The following ERC1 variants were observed in gnomAD, a reference collection of about 807,000 sequenced individuals.
The protein encoded by ERC1 is RAB6 interacting protein 2.
ERC1 carries 56 observed loss-of-function variants against 132.0 expected under a neutral mutation model. The observed-to-expected ratio is 0.42, with a 90% CI of 0.34 to 0.53. The LOEUF is 0.53. Among genes scored for constraint, ERC1 ranks in the 20% least tolerant of loss-of-function variants. The pLI is 0.03. For synonymous variants in ERC1, 478 were observed against 476.1 expected, an observed-to-expected ratio of 1.00 and a Z score of -0.05; for missense variants, 1,202 against 1,349.9, an observed-to-expected ratio of 0.89 and a Z score of 1.72.
chr12:1,011,731 C>G (rs915295784), intron 1 of ERC1, among the ~76,000 whole-genome samples: 3 of 152,166 alleles, frequency 2.0e-5, no homozygotes, highest in African/African-American at 7.2e-5. Flanking sequence ...GTCAGTAGTT[C>G]AAGACCAGCC....
Position 1,196,905 on chromosome 12 carries a change from TACACACACACACACACACAC to T in ERC1, c.2351+6891_2351+6910del, listed in dbSNP as rs766381798. Among the ~76,000 whole-genome samples the T allele has an allele frequency of 6.6e-3, 382 of 57,706 alleles. 6 individuals carry two copies. The highest frequency in any genetic ancestry group is 0.017 in the South Asian group (21 of 1,248). 37.9% of individuals were successfully genotyped at this position (57,706 alleles called of 152,430 possible). A position where few individuals can be genotyped will look rare whatever the true frequency, so the allele number is the denominator to read the frequency against. The stretch of plus-strand genomic sequence containing the variant: ...GTCTGTCTGTCTCTCTCTGTCTCTC[TACACACACACACACACACAC>T]ACACACACACACACACACACACACA... On this transcript the variant is annotated intron_variant, in intron 12 of 18. Coordinates refer to ENST00000360905, the MANE Select transcript of ERC1 (RefSeq NM_178040.4).
chr12:1,002,160 C>CTTTTTTTTTTT (rs71055117), intron 1 of ERC1, among the ~76,000 whole-genome samples: 2 of 38,482 alleles, frequency 5.2e-5, no homozygotes, highest in African/African-American at 1.1e-4. Flanking sequence ...CCATGCCCGG[C>CTTTTTTTTTTT]TTTTTTTTTT....
At chr12:1,444,848 G>GT in intron 18 of ERC1, 98 bp downstream of exon 18, 1 of 1,104,844 alleles carries the variant, frequency 9.1e-7, no homozygotes. Context: ...CAGTTGCCGT[G>GT]TAGTTGATGC....
intron 17 of ERC1, chr12:1,443,708 A>G (rs996863926): frequency 2.0e-5 from 3 of 152,290 alleles, no homozygotes; most frequent in Non-Finnish European, 4.4e-5. Flanking sequence ...CCAGCTACCA[A>G]ATACCTGGCC....
chr12:1,361,060 T>C (rs1218212957), intron 15 of ERC1, among the ~76,000 whole-genome samples: 1 of 142,258 alleles, frequency 7.0e-6, no homozygotes, highest in African/African-American at 2.7e-5. Context: ...ATCTCACCAC[T>C]GCACTCCAGC....
intron 8 of ERC1, among the ~76,000 whole-genome samples, chr12:1,149,139 A>T (rs929756210): frequency 6.6e-6 from 1 of 152,188 alleles, no homozygotes; most frequent in African/African-American, 2.4e-5. Context: ...CAAGGGATCT[A>T]TGTATTTTTT....
chr12:1,203,097 G>T (rs2154286161), intron 12 of ERC1, among the ~76,000 whole-genome samples: 1 of 152,310 alleles, frequency 6.6e-6, no homozygotes, highest in Admixed American at 6.5e-5. Context: ...TTGCTCTGTT[G>T]CCCAGGCTGG....
At chr12:1,278,857 A>G (rs1205324231) in intron 14 of ERC1, among the ~76,000 whole-genome samples, 4 of 152,238 alleles carry the variant, frequency 2.6e-5, no homozygotes, top group African/African-American at 9.6e-5. Context: ...AAAGGCAGCA[A>G]CATGAACTCT....
chr12:1,491,339 C>A lies in ERC1; in HGVS notation c.*1109C>A, dbSNP rs375796151. The A allele has an allele frequency of 5.5e-4, 127 of 231,414 alleles. No individual in the cohort carries two copies. Among genetic ancestry groups the A allele is most frequent in the Non-Finnish European group, 9.8e-4 (115 of 116,890 alleles). 14.3% of individuals were successfully genotyped at this position (231,414 alleles called of 1,614,324 possible). On this transcript the variant is annotated 3_prime_UTR_variant, in exon 19 of 19. Transcript: ENST00000360905. ...CCTCAGCCTCGTGCATTGCCTGGAA[C>A]CTTCTTCTAGCATAAATGAAGGTTT...
chr12:1,417,946 T>A (rs2092204834), intron 17 of ERC1, among the ~76,000 whole-genome samples: 1 of 152,216 alleles, frequency 6.6e-6, no homozygotes, highest in Non-Finnish European at 1.5e-5. Flanking sequence ...CATGTTTTCA[T>A]TGAAACCAAT....
At chr12:1,250,716 GTGACACTCAGAT>G (rs1273315705) in intron 13 of ERC1, among the ~76,000 whole-genome samples, 1 of 152,196 alleles carries the variant, frequency 6.6e-6, no homozygotes, top group East Asian at 1.9e-4. Flanking sequence ...TCTTTGAGCA[GTGACACTCAGAT>G]ACACCTTTCA....
chr12:1,064,912 G>A (rs899518391), intron 2 of ERC1, among the ~76,000 whole-genome samples: 7 of 152,158 alleles, frequency 4.6e-5, no homozygotes, highest in Admixed American at 3.3e-4. Context: ...CAAAGTGCAA[G>A]TAGTTGTTCA....
upstream of ERC1, chr12:990,936 T>TGG (rs1004993861): frequency 2.7e-5 from 1 of 36,444 alleles, no homozygotes; most frequent in Non-Finnish European, 8.0e-5. Flanking sequence ...GCAGGGGTCG[T>TGG]GTGTGTGTGT....
intron 12 of ERC1, among the ~76,000 whole-genome samples, chr12:1,202,031 C>T (rs1445292221): frequency 1.3e-5 from 2 of 152,208 alleles, no homozygotes; most frequent in East Asian, 3.9e-4. Flanking sequence ...AAGAAAGATA[C>T]CAGCATATTA....
intron 15 of ERC1, among the ~76,000 whole-genome samples, chr12:1,312,000 C>T (rs1002094256): frequency 1.3e-5 from 2 of 152,130 alleles, no homozygotes; most frequent in African/African-American, 4.8e-5. Flanking sequence ...AACTATGTCC[C>T]CATTTTTCCT....
intron 1 of ERC1, among the ~76,000 whole-genome samples, chr12:1,006,388 C>T (rs1286310512): frequency 3.3e-5 from 5 of 152,162 alleles, no homozygotes; most frequent in African/African-American, 7.2e-5. Flanking sequence ...CATGCGCCAG[C>T]ATGCCTGGCA....
chr12:1,134,728 CTT>C (rs201981125), intron 7 of ERC1, among the ~76,000 whole-genome samples: 1,392 of 136,034 alleles, frequency 0.01, 29 homozygotes, highest in East Asian at 0.038. Context: ...TCCTCAGTAA[CTT>C]TTTTTTTTTT....
At chr12:1,284,213 T>C (rs541012535) in intron 14 of ERC1, among the ~76,000 whole-genome samples, 143 of 152,014 alleles carry the variant, frequency 9.4e-4, no homozygotes, top group African/African-American at 3.4e-3. Context: ...CCAGTTCCAT[T>C]CATGTTGCTG....
At chr12:1,446,056 T>C (rs1172985666) in intron 18 of ERC1, among the ~76,000 whole-genome samples, 1 of 152,090 alleles carries the variant, frequency 6.6e-6, no homozygotes, top group African/African-American at 2.4e-5. Context: ...TACCATCACG[T>C]TGGGGGTTGG....
Sources: allele counts gnomAD v4.1 joint callset (sites outside exome capture counted in the v4.1 genomes callset), GRCh38; gene constraint gnomAD v4.1.1; transcripts MANE v1.5; gene names NCBI Gene and HGNC (gene_info 2026-07-23, HGNC 2026-07-21).